SPRING1: variants seen among roughly 807,000 people sequenced by gnomAD.
The protein encoded by SPRING1 is SREBP regulating gene protein.
Under a neutral mutation model 24.7 loss-of-function variants are expected in SPRING1, and 14 were observed. The observed-to-expected ratio is 0.57, with a 90% confidence interval of 0.37 to 0.88. SPRING1 has a LOEUF of 0.88. SPRING1 is among the 40% of genes least tolerant of loss of function. SPRING1 has a pLI of 0.00. For synonymous variants in SPRING1, 93 were observed against 106.1 expected (o/e 0.88, Z 0.76); for missense variants, 255 against 268.4 (o/e 0.95, Z 0.35).
rs1870128390 is a variant in SPRING1 at position 116,716,322 on chromosome 12, T to C, written c.*1488A>G. ...ACCACTACATATTGCAGGAATGTAT[T>C]AGAAGGCAAATATGGCCCAAAGAAA... On this transcript the variant is annotated 3_prime_UTR_variant, in exon 5 of 5. Coordinates refer to ENST00000261318, the MANE Select transcript of SPRING1 (RefSeq NM_024738.4). 1 of 152,160 alleles carries C rather than the reference T, an allele frequency of 6.6e-6. No individual in the cohort carries two copies. The highest frequency in any genetic ancestry group is 1.5e-5 in the Non-Finnish European group (1 of 68,026). The allele number at this position is 152,160 out of a possible 1,614,324, so 9.4% of individuals were successfully genotyped here.
At chr12:116,726,879 AAGG>A (rs1870721737) in intron 1 of SPRING1, among the ~76,000 whole-genome samples, 1 of 152,212 alleles carries the variant, frequency 6.6e-6, no homozygotes, top group South Asian at 2.1e-4. Context: ...TGCATCCCAG[AAGG>A]ACCCCTGCCA....
chr12:116,737,212 C>T (rs567577557), intron 1 of SPRING1, among the ~76,000 whole-genome samples: 177 of 152,314 alleles, frequency 1.2e-3, no homozygotes, highest in Non-Finnish European at 2.0e-3. Flanking sequence ...GGTCCCTCAC[C>T]CGTGCTGAGA....
Position 116,715,364 on chromosome 12 carries a change from C to T in SPRING1, c.*2446G>A, listed in dbSNP as rs975051843. The T allele has an allele frequency of 6.6e-6, 1 of 152,154 alleles. No homozygotes were observed. The highest frequency in any genetic ancestry group is 1.5e-5 in the Non-Finnish European group (1 of 68,074). 9.4% of individuals were successfully genotyped at this position (152,154 alleles called of 1,614,324 possible). A position where few individuals can be genotyped will look rare whatever the true frequency, so the allele number is the denominator to read the frequency against. ...GTCCCTGATTCTAGAAACCCTCGGT[C>T]GAGGGAACCACAAACCAACCAGAGT... On this transcript the variant is annotated 3_prime_UTR_variant, in exon 5 of 5. Transcript: ENST00000261318.
chr12:116,728,686 G>A lies in SPRING1; in HGVS notation c.112-5463C>T, dbSNP rs561243249. 3.9e-5 allele frequency among the ~76,000 whole-genome samples: 6 copies of A among 152,302 alleles called. No homozygotes were observed. The highest frequency in any genetic ancestry group is 1.9e-4 in the East Asian group (1 of 5,182). ...CGGGGAGCTTCACAGTGTTCATAGC[G>A]TCTTCTCCATCAACGGTACACACCC... On this transcript the variant is annotated intron_variant, in intron 1 of 4. Coordinates refer to ENST00000261318, the MANE Select transcript of SPRING1 (RefSeq NM_024738.4). The surrounding 1 kb of genome is among the most constrained non-coding windows in gnomAD (Gnocchi z 4.2).
chr12:116,716,112 T>G lies in SPRING1; in HGVS notation c.*1698A>C, dbSNP rs1168464090. The G allele has an allele frequency of 6.6e-6, 1 of 151,962 alleles. No homozygotes were observed. The highest frequency in any genetic ancestry group is 2.4e-5 in the African/African-American group (1 of 41,368). 9.4% of individuals were successfully genotyped at this position (151,962 alleles called of 1,614,324 possible). On this transcript the variant is annotated 3_prime_UTR_variant, in exon 5 of 5. Transcript: ENST00000261318. The stretch of plus-strand genomic sequence containing the variant: ...CATGCCACAATCCGGCACATCAGAG[T>G]TCGATGTAGTCCTGCTGCAAACACA...
intron 3 of SPRING1, 116 bp from the exon 4 acceptor site, chr12:116,719,992 GA>G: frequency 1.1e-6 from 1 of 936,152 alleles, no homozygotes; most frequent in Non-Finnish European, 1.7e-6. Flanking sequence ...AAGAGGAGGA[GA>G]AAAGGAGGGA....
chr12:116,729,786 T>C (rs1291506260), intron 1 of SPRING1, among the ~76,000 whole-genome samples: 1 of 152,236 alleles, frequency 6.6e-6, no homozygotes, highest in African/African-American at 2.4e-5. Context: ...AGAAACAAAG[T>C]AGATTACTGA....
intron 2 of SPRING1, among the ~76,000 whole-genome samples, chr12:116,722,834 T>C (rs1278287829): frequency 1.3e-5 from 2 of 152,244 alleles, no homozygotes; most frequent in South Asian, 2.1e-4. Flanking sequence ...ATGTTGTAAG[T>C]TGTAGGCAGA....
intron 1 of SPRING1, among the ~76,000 whole-genome samples, chr12:116,736,913 G>A (rs184420579): frequency 2.6e-5 from 4 of 152,254 alleles, no homozygotes; most frequent in African/African-American, 9.6e-5. Flanking sequence ...AGGACACAGA[G>A]CCCCCAAATT....
chr12:116,729,270 A>G (rs1870860788), intron 1 of SPRING1, among the ~76,000 whole-genome samples: 2 of 152,270 alleles, frequency 1.3e-5, no homozygotes, highest in Admixed American at 1.3e-4. Context: ...GTAATTGGAA[A>G]AGGGAGGACT....
In SPRING1 at chr12:116,716,597, T is replaced by C. The variant is rs751098194; in HGVS notation, c.*1213A>G. 4 of 152,470 alleles carry C rather than the reference T, an allele frequency of 2.6e-5. No homozygotes were observed. Among genetic ancestry groups the C allele is most frequent in the Non-Finnish European group, 5.9e-5 (4 of 68,014 alleles). The allele number at this position is 152,470 out of a possible 1,614,324, so 9.4% of individuals were successfully genotyped here. ...AGAATCTGCATTACAGTAGGAAAAA[T>C]GGGGAGTGCTTTATGCCTGTGGATT... On this transcript the variant is annotated 3_prime_UTR_variant, in exon 5 of 5. Coordinates refer to ENST00000261318, the MANE Select transcript of SPRING1 (RefSeq NM_024738.4).
rs544125121 is a variant in SPRING1 at position 116,715,335 on chromosome 12, C to T, written c.*2475G>A. 6.6e-6 allele frequency: 1 copy of T among 152,292 alleles called. No individual in the cohort carries two copies. The highest frequency in any genetic ancestry group is 1.9e-4 in the East Asian group (1 of 5,170). The allele number at this position is 152,292 out of a possible 1,614,324, so 9.4% of individuals were successfully genotyped here. A position where few individuals can be genotyped will look rare whatever the true frequency, so the allele number is the denominator to read the frequency against. On this transcript the variant is annotated 3_prime_UTR_variant, in exon 5 of 5. Transcript: ENST00000261318. ...GGGCTCTGGGCAAACAAAACTTAGA[C>T]AAGGTCCCTGATTCTAGAAACCCTC...
chr12:116,727,067 T>C (rs565385598), intron 1 of SPRING1, among the ~76,000 whole-genome samples: 1 of 152,338 alleles, frequency 6.6e-6, no homozygotes, highest in East Asian at 1.9e-4. Context: ...GGACATTCCT[T>C]CACAGGATAG....
intron 1 of SPRING1, among the ~76,000 whole-genome samples, chr12:116,731,758 A>G (rs1044269203): frequency 2.6e-5 from 4 of 152,004 alleles, no homozygotes; most frequent in Non-Finnish European, 5.9e-5. Context: ...CCAAAAACAA[A>G]CAAATAAACA....
rs1869956077 is a variant in SPRING1, at chr12:116,713,377, A to G, written c.*4433T>C. ...GTAAGAAAAAGAAACAACATTGGCT[A>G]AGTCACGAATAGGCATTTCACCATA... On this transcript the variant is annotated 3_prime_UTR_variant, in exon 5 of 5. Transcript: ENST00000261318. 1 of 152,266 alleles carries G rather than the reference A, an allele frequency of 6.6e-6. No homozygotes were observed. The highest frequency in any genetic ancestry group is 2.4e-5 in the African/African-American group (1 of 41,468). The allele number at this position is 152,266 out of a possible 1,614,324, so 9.4% of individuals were successfully genotyped here.
Position 116,710,390 on chromosome 12 carries a change from C to G in SPRING1, c.*7420G>C, listed in dbSNP as rs957485279. The G allele has an allele frequency of 2.0e-5, 3 of 152,148 alleles. No homozygotes were observed. The highest frequency in any genetic ancestry group is 7.2e-5 in the African/African-American group (3 of 41,422). 9.4% of individuals were successfully genotyped at this position (152,148 alleles called of 1,614,324 possible). A position where few individuals can be genotyped will look rare whatever the true frequency, so the allele number is the denominator to read the frequency against. Reference sequence around the variant, plus strand: ...AATCACAAAAGCAGAGAAAGGAAAACCTTTTACTGAGCTGAGCAATGCCTG... The same window carrying G: ...AATCACAAAAGCAGAGAAAGGAAAAGCTTTTACTGAGCTGAGCAATGCCTG... On this transcript the variant is annotated 3_prime_UTR_variant, in exon 5 of 5. Coordinates refer to ENST00000261318, the MANE Select transcript of SPRING1 (RefSeq NM_024738.4).
At chr12:116,735,896 TG>T (rs1871195649) in intron 1 of SPRING1, among the ~76,000 whole-genome samples, 1 of 148,970 alleles carries the variant, frequency 6.7e-6, no homozygotes, top group Admixed American at 6.7e-5. Context: ...CAAAATTAGC[TG>T]GGCATGGTGG....
chr12:116,713,929 C>T lies in SPRING1; in HGVS notation c.*3881G>A, dbSNP rs896548261. 4.6e-5 allele frequency: 7 copies of T among 152,130 alleles called. No homozygotes were observed. The highest frequency in any genetic ancestry group is 1.2e-4 in the African/African-American group (5 of 41,418). 9.4% of individuals were successfully genotyped at this position (152,130 alleles called of 1,614,324 possible). A position where few individuals can be genotyped will look rare whatever the true frequency, so the allele number is the denominator to read the frequency against. ...CGTGCTCCTGAATTATCTGAAATATCGTATCTTTAAAAACAGTAACAACAA... is the reference window on the plus strand; with the variant it reads ...CGTGCTCCTGAATTATCTGAAATATTGTATCTTTAAAAACAGTAACAACAA... On this transcript the variant is annotated 3_prime_UTR_variant, in exon 5 of 5. Coordinates refer to ENST00000261318, the MANE Select transcript of SPRING1 (RefSeq NM_024738.4).
At chr12:116,724,623 G>A (rs796635338) in intron 1 of SPRING1, among the ~76,000 whole-genome samples, 9 of 151,614 alleles carry the variant, frequency 5.9e-5, no homozygotes, top group African/African-American at 2.2e-4. Flanking sequence ...GTTGCAGTGA[G>A]CCGAGATCAC....
Sources: gnomAD v4.1 joint callset for allele counts (sites outside exome capture counted in the v4.1 genomes callset) on GRCh38, gnomAD v4.1.1 for gene constraint, Gnocchi (gnomAD v3.1) non-coding constraint, MANE v1.5 for transcripts, NCBI Gene and HGNC (gene_info 2026-07-23, HGNC 2026-07-21) for gene names.